The following PCDHA1 variants were observed in gnomAD, a reference collection of about 807,000 sequenced individuals.
PCDHA1 encodes the protein protocadherin alpha 1, also known as protocadherin alpha-1.
Under a neutral mutation model 61.3 loss-of-function variants are expected in PCDHA1, and 42 were observed. The ratio of observed to expected loss-of-function variants is 0.69; its 90% confidence interval spans 0.54 to 0.89. The LOEUF (loss-of-function observed/expected upper bound fraction) is 0.89. Ranked by LOEUF, PCDHA1 falls within the 40% of genes least tolerant of loss-of-function variation. The pLI is 0.00. For missense variants in PCDHA1, 1,256 were observed against 1,235.3 expected, an observed-to-expected ratio of 1.02 and a Z score of -0.25; for synonymous variants, 610 against 553.8, an observed-to-expected ratio of 1.10 and a Z score of -1.43.
At position 140,968,564 on chromosome 5, in the gene PCDHA1, G is replaced by A. The variant is rs565573880; in HGVS notation, c.2395-10385G>A. ...CGAGATGGTGCCTCGAACTGCCCCT[G>A]CTGGCTACCTGGTCACCAAAGTCAT... On this transcript the variant is annotated intron_variant, in intron 1 of 3. Coordinates refer to ENST00000504120, the MANE Select transcript of PCDHA1 (RefSeq NM_018900.4). 3.1e-6 allele frequency: 5 copies of A among 1,614,168 alleles called. No homozygotes were observed. The Admixed American group carries it at 8.3e-5, about 27-fold the overall frequency.
At chr5:140,999,327 G>A (rs1554256745) in intron 3 of PCDHA1, among the ~76,000 whole-genome samples, 1 of 152,200 alleles carries the variant, frequency 6.6e-6, no homozygotes, top group Non-Finnish European at 1.5e-5. Context: ...ATTGATCTGT[G>A]TGATTTATAA....
chr5:140,789,056 A>G (rs1221011381), intron 1 of PCDHA1, among the ~76,000 whole-genome samples: 1 of 152,274 alleles, frequency 6.6e-6, no homozygotes, highest in Non-Finnish European at 1.5e-5. Flanking sequence ...GCCCCGGACA[A>G]ACAATTCTTG....
chr5:140,898,407 C>T (rs556061781), intron 1 of PCDHA1, among the ~76,000 whole-genome samples: 90 of 152,094 alleles, frequency 5.9e-4, no homozygotes, highest in Middle Eastern at 3.4e-3. Flanking sequence ...TTTCTACATA[C>T]GGCTAGCCAG....
At chr5:140,908,384 C>T (rs573373685) in intron 1 of PCDHA1, among the ~76,000 whole-genome samples, 2 of 152,172 alleles carry the variant, frequency 1.3e-5, no homozygotes, top group African/African-American at 2.4e-5. Flanking sequence ...TGCTCGAGCC[C>T]GATCACATAT....
In PCDHA1 at chr5:140,830,374, G is replaced by A. The variant is rs150255684; in HGVS notation, c.2394+41690G>A. 1.2e-3 allele frequency: 1,975 copies of A among 1,614,156 alleles called. 3 individuals are homozygous for A. The highest frequency in any genetic ancestry group is 1.6e-3 in the Non-Finnish European group (1,872 of 1,180,020). On this transcript the variant is annotated intron_variant, in intron 1 of 3. Transcript: ENST00000504120. ...AGAGGCGGCAGAGGGTGTGCTCCGG[G>A]GAGGGCCCACCCAAGATGGATCTCA...
rs782446287 is a variant in PCDHA1, at chr5:140,870,927, T to A, written c.2394+82243T>A. The A allele has an allele frequency of 1.9e-6, 3 of 1,613,762 alleles. No homozygotes were observed. The African/African-American group carries it at 4.0e-5, about 22-fold the overall frequency. ...CAGGCTACAACGCGTGGCTTTCATA[T>A]GAATTGCAGCCGGCGGCGGGCGGCT... is the stretch of plus-strand genomic sequence containing the variant. On this transcript the variant is annotated intron_variant, in intron 1 of 3. Transcript: ENST00000504120.
intron 1 of PCDHA1, among the ~76,000 whole-genome samples, chr5:140,790,406 C>G (rs1446943524): frequency 2.0e-5 from 3 of 152,176 alleles, no homozygotes; most frequent in Non-Finnish European, 4.4e-5. Flanking sequence ...TGAAGACATT[C>G]TATGAGAAAT....
At chr5:141,007,706 C>T (rs1269578685) in intron 3 of PCDHA1, among the ~76,000 whole-genome samples, 1 of 152,218 alleles carries the variant, frequency 6.6e-6, no homozygotes, top group Non-Finnish European at 1.5e-5. Flanking sequence ...TCCTCTGCCT[C>T]CCACCACCAG....
intron 1 of PCDHA1, chr5:140,807,310 C>A: frequency 6.2e-7 from 1 of 1,614,114 alleles, no homozygotes; most frequent in Non-Finnish European, 8.5e-7. Context: ...AGGCCAAACA[C>A]GGCACCTTCG....
intron 1 of PCDHA1, chr5:140,841,832 A>G: frequency 6.2e-7 from 1 of 1,613,924 alleles, no homozygotes; most frequent in Non-Finnish European, 8.5e-7. Flanking sequence ...GTTAACCTAC[A>G]GGCTTAGCTC....
intron 1 of PCDHA1, chr5:140,795,647 TAC>T: frequency 1.9e-6 from 3 of 1,614,156 alleles, no homozygotes; most frequent in Middle Eastern, 1.6e-4. Flanking sequence ...ACCGTTCAAA[TAC>T]TTATTAAGGT....
intron 1 of PCDHA1, among the ~76,000 whole-genome samples, chr5:140,875,118 A>T (rs1381092384): frequency 6.6e-6 from 1 of 152,224 alleles, no homozygotes; most frequent in African/African-American, 2.4e-5. Context: ...TATCATGTAT[A>T]TTAACTAAAC....
Position 140,827,946 on chromosome 5 carries a change from T to C in PCDHA1, c.2394+39262T>C, listed in dbSNP as rs1769465051. ...ACCATGAAGTTATAGCTAGCCAACA[T>C]TCAAATTTCTTCTATTACTGCATCA... On this transcript the variant is annotated intron_variant, in intron 1 of 3. Coordinates refer to ENST00000504120, the MANE Select transcript of PCDHA1 (RefSeq NM_018900.4). The C allele has an allele frequency of 9.0e-6, 11 of 1,225,792 alleles. No individual in the cohort carries two copies. In the South Asian group the frequency reaches 1.3e-4, roughly 15 times the overall value. 75.9% of individuals were successfully genotyped at this position (1,225,792 alleles called of 1,614,324 possible).
intron 1 of PCDHA1, chr5:140,884,082 C>A (rs2059986179): frequency 1.2e-6 from 2 of 1,613,558 alleles, no homozygotes; most frequent in Non-Finnish European, 8.5e-7. Flanking sequence ...GGCTACAATG[C>A]GTGGCTTTCG....
At chr5:140,795,678 T>G in intron 1 of PCDHA1, 1 of 1,614,122 alleles carries the variant, frequency 6.2e-7, no homozygotes, top group Non-Finnish European at 8.5e-7. Context: ...TAAATGACAA[T>G]GAACCAACTT....
At chr5:140,798,983 C>T (rs1302935518) in intron 1 of PCDHA1, among the ~76,000 whole-genome samples, 1 of 152,178 alleles carries the variant, frequency 6.6e-6, no homozygotes, top group Non-Finnish European at 1.5e-5. Flanking sequence ...TCAGAATATC[C>T]ATTTCCAAGT....
intron 1 of PCDHA1, chr5:140,795,372 A>AG: frequency 6.2e-7 from 1 of 1,614,180 alleles, no homozygotes; most frequent in Non-Finnish European, 8.5e-7. Context: ...TTCCAATGAC[A>AG]GTAAAGACTA....
intron 1 of PCDHA1, chr5:140,796,371 G>A: frequency 1.2e-6 from 2 of 1,614,014 alleles, no homozygotes; most frequent in South Asian, 2.2e-5. Context: ...AGAACAACCC[G>A]CCGGGCTGCC....
chr5:140,812,388 C>T (rs2126638236), intron 1 of PCDHA1: 2 of 152,014 alleles, frequency 1.3e-5, no homozygotes, highest in Non-Finnish European at 2.9e-5. Flanking sequence ...TTTTCTTAGT[C>T]TAGCTAAGGG....
Sources: allele counts gnomAD v4.1 joint callset (sites outside exome capture counted in the v4.1 genomes callset), GRCh38; gene constraint gnomAD v4.1.1; transcripts MANE v1.5; gene names NCBI Gene and HGNC (gene_info 2026-07-23, HGNC 2026-07-21).